The following SEC31A variants were observed in gnomAD, a reference collection of about 807,000 sequenced individuals.
SEC31A encodes the protein protein transport protein Sec31A.
In SEC31A, 70 loss-of-function variants were observed where a neutral mutation model predicts 151.0. That is an observed-to-expected ratio of 0.46 (90% CI 0.38 to 0.57). The LOEUF is 0.57. Ranked by LOEUF, SEC31A falls within the 20% of genes least tolerant of loss-of-function variation. The pLI is 0.00. For missense variants in SEC31A, 1,330 were observed against 1,471.2 expected, an observed-to-expected ratio of 0.90 and a Z score of 1.57; for synonymous variants, 475 against 505.9, an observed-to-expected ratio of 0.94 and a Z score of 0.82.
At chr4:82,857,578 C>T in intron 15 of SEC31A, 111 bp downstream of exon 15, 1 of 725,090 alleles carries the variant, frequency 1.4e-6, no homozygotes, top group Non-Finnish European at 2.4e-6. Flanking sequence ...GTAGCTGGGA[C>T]TATAAGCATG....
At position 82,878,799 on chromosome 4, in the gene SEC31A, C is replaced by T. The variant is rs1213773255; in HGVS notation, c.333G>A (p.Lys111=). The T allele has an allele frequency of 1.9e-6, 3 of 1,614,100 alleles. No individual in the cohort carries two copies. Residue 111 remains lysine, a synonymous_variant, in exon 4 of 27, where the codon AAG becomes AAA. Transcript: ENST00000395310. ...YDPSKIIAGD[K]EVVIAQNDKH... The stretch of plus-strand genomic sequence containing the variant: ...TGTCATTCTGGGCAATCACAACTTC[C>T]TTGTCTCCAGCTATAATTTTAGAAG...
intron 10 of SEC31A, among the ~76,000 whole-genome samples, chr4:82,865,542 A>G (rs1735139010): frequency 6.6e-4 from 2 of 3,026 alleles, no homozygotes; most frequent in African/African-American, 2.5e-3. Context: ...TGTGGTATAT[A>G]TATATATATA....
At chr4:82,858,684 T>A (rs973356884) in intron 14 of SEC31A, among the ~76,000 whole-genome samples, 1 of 150,228 alleles carries the variant, frequency 6.7e-6, no homozygotes, top group Admixed American at 6.7e-5. Flanking sequence ...ATGGAAAATA[T>A]ATTATTTATT....
upstream of SEC31A, among the ~76,000 whole-genome samples, chr4:82,892,112 T>C (rs996688175): frequency 5.3e-5 from 8 of 152,238 alleles, no homozygotes; most frequent in Admixed American, 3.9e-4. Flanking sequence ...TGCAGCTTCA[T>C]AAGACAGCTT....
intron 20 of SEC31A, among the ~76,000 whole-genome samples, chr4:82,847,596 A>T (rs1730517682): frequency 6.6e-6 from 1 of 152,210 alleles, no homozygotes; most frequent in Admixed American, 6.5e-5. Context: ...GCCGGTAACC[A>T]GCCATGCAAC....
chr4:82,891,592 T>C (rs1471671877), upstream of SEC31A, among the ~76,000 whole-genome samples: 3 of 152,242 alleles, frequency 2.0e-5, no homozygotes, highest in African/African-American at 7.2e-5. Flanking sequence ...AAGGGCTTTA[T>C]TGTAATTTGT....
chr4:82,856,538 G>A (rs1450290137), intron 16 of SEC31A, among the ~76,000 whole-genome samples: 1 of 151,218 alleles, frequency 6.6e-6, no homozygotes, highest in African/African-American at 2.4e-5. Flanking sequence ...ATGACCTGAG[G>A]TCAGGAGTTC....
intron 16 of SEC31A, among the ~76,000 whole-genome samples, chr4:82,855,756 A>G (rs1732490736): frequency 1.3e-5 from 2 of 152,232 alleles, no homozygotes; most frequent in African/African-American, 4.8e-5. Flanking sequence ...ATGTGAACAC[A>G]TGGAGGGGAA....
intron 22 of SEC31A, among the ~76,000 whole-genome samples, chr4:82,835,729 A>T (rs570217161): frequency 3.5e-4 from 54 of 152,210 alleles, no homozygotes; most frequent in African/African-American, 1.2e-3. Flanking sequence ...TAGGAGACAG[A>T]GGTTGCAGTG....
At chr4:82,843,963 A>G (rs72927480) in intron 21 of SEC31A, 3,273 of 159,052 alleles carry the variant, frequency 0.021, 124 homozygotes, top group African/African-American at 0.074. Context: ...TCTAAAATAC[A>G]AAGTCTATTA....
chr4:82,886,453 C>A (rs1447973476), intron 1 of SEC31A, among the ~76,000 whole-genome samples: 1 of 151,820 alleles, frequency 6.6e-6, no homozygotes, highest in African/African-American at 2.4e-5. Flanking sequence ...AATAGGGAGC[C>A]AAAAAAAGTG....
At chr4:82,890,435 AAATT>A (rs1303858010) in intron 1 of SEC31A, among the ~76,000 whole-genome samples, 1 of 152,208 alleles carries the variant, frequency 6.6e-6, no homozygotes, top group Non-Finnish European at 1.5e-5. Flanking sequence ...GCCCTACGTA[AAATT>A]AATTCCTTAA....
chr4:82,884,519 A>T (rs563297906), intron 1 of SEC31A, among the ~76,000 whole-genome samples: 1 of 152,340 alleles, frequency 6.6e-6, no homozygotes, highest in East Asian at 1.9e-4. Flanking sequence ...GCACATCATA[A>T]AGGTCTATTT....
At chr4:82,855,121 C>T (rs760818131) in intron 16 of SEC31A, 92 bp from the exon 17 acceptor site, 1 of 1,031,644 alleles carries the variant, frequency 9.7e-7, no homozygotes, top group African/African-American at 1.7e-5. Context: ...GTATTTCATG[C>T]CAAATGCAGC....
intron 12 of SEC31A, among the ~76,000 whole-genome samples, chr4:82,863,058 G>C (rs1242265595): frequency 6.6e-6 from 1 of 152,156 alleles, no homozygotes; most frequent in African/African-American, 2.4e-5. Flanking sequence ...CAATGCTATA[G>C]AAAACTCTAG....
intron 13 of SEC31A, 197 bp from the exon 14 acceptor site, chr4:82,861,905 CTT>C (rs33968103): frequency 2.7e-3 from 241 of 89,640 alleles, no homozygotes; most frequent in South Asian, 0.025. Context: ...CTTTCCCATT[CTT>C]TTTTTTTTTT....
intron 3 of SEC31A, among the ~76,000 whole-genome samples, chr4:82,898,728 C>G (rs1189163427): frequency 1.3e-5 from 2 of 152,208 alleles, no homozygotes; most frequent in Admixed American, 1.3e-4. Flanking sequence ...ACAGCCACTT[C>G]ACATGCACAA....
At chr4:82,852,946 C>T (rs141518871) in intron 18 of SEC31A, among the ~76,000 whole-genome samples, 91 of 152,242 alleles carry the variant, frequency 6.0e-4, no homozygotes, top group Middle Eastern at 3.4e-3. Flanking sequence ...AACCTAGATC[C>T]GTTGCATGCA....
At chr4:82,857,938 A>G in intron 14 of SEC31A, 174 bp from the exon 15 acceptor site, 1 of 474,372 alleles carries the variant, frequency 2.1e-6, no homozygotes, top group Non-Finnish European at 3.8e-6. Flanking sequence ...CCTAAATATT[A>G]CCTCCCATTA....
Sources: gnomAD v4.1 joint callset for allele counts (sites outside exome capture counted in the v4.1 genomes callset) on GRCh38, gnomAD v4.1.1 for gene constraint, MANE v1.5 for transcripts, NCBI Gene and HGNC (gene_info 2026-07-23, HGNC 2026-07-21) for gene names.